IFT140: variants seen among roughly 807,000 people sequenced by gnomAD.
The protein encoded by IFT140 is intraflagellar transport 140, also known as intraflagellar transport protein 140 homolog.
IFT140 carries 133 observed loss-of-function variants against 164.6 expected under a neutral mutation model. The ratio of observed to expected loss-of-function variants is 0.81; its 90% CI spans 0.70 to 0.93. IFT140 has a LOEUF of 0.93. IFT140 is among the 40% of genes least tolerant of loss of function. The probability of loss-of-function intolerance (pLI) is 0.00; values close to 1 mark genes in which losing one functional copy is unlikely to be tolerated. For synonymous variants in IFT140, 860 were observed against 817.3 expected, an observed-to-expected ratio of 1.05 and a Z score of -0.89; for missense variants, 2,045 against 1,972.3, an observed-to-expected ratio of 1.04 and a Z score of -0.70.
At chr16:1,560,711 C>T (rs1028826615) in intron 18 of IFT140, among the ~76,000 whole-genome samples, 5 of 152,190 alleles carry the variant, frequency 3.3e-5, no homozygotes, top group Admixed American at 1.3e-4. Flanking sequence ...AATGCTCCCT[C>T]GACCCACCTT....
In IFT140 at chr16:1,566,178, A is replaced by G; in HGVS notation, c.1884T>C (p.Asn628=). The G allele has an allele frequency of 1.2e-5, 19 of 1,613,740 alleles. No homozygotes were observed. Among genetic ancestry groups the G allele is most frequent in the Admixed American group, 1.7e-5 (1 of 59,996 alleles). The stretch of plus-strand genomic sequence containing the variant: ...AATCTTACTTATTAGTCTCTTGCTC[A>G]TTAAAGGACAGCGTCTCTCTCCGAT... ...QIDRRETLSF[N]EQETNKSHLF... is the part of the protein sequence containing the mutation. Residue 628 remains asparagine (N), a synonymous_variant, in exon 16 of 31, where the codon AAT becomes AAC. Transcript: ENST00000426508.
At chr16:1,577,992 T>G (rs1372995076) in intron 13 of IFT140, 1 of 152,166 alleles carries the variant, frequency 6.6e-6, no homozygotes, top group Non-Finnish European at 1.5e-5. Context: ...TGCTCTGGGC[T>G]TGGGATGCCC....
chr16:1,598,285 C>G (rs1289610483), intron 4 of IFT140, among the ~76,000 whole-genome samples: 2 of 152,104 alleles, frequency 1.3e-5, no homozygotes, highest in East Asian at 3.9e-4. Flanking sequence ...AGTGAAACCC[C>G]GTCTTTACTA....
chr16:1,524,925 A>C lies in IFT140; in HGVS notation c.2865-9T>G. The C allele has an allele frequency of 6.3e-7, 1 of 1,596,848 alleles. No individual in the cohort carries two copies. The highest frequency in any genetic ancestry group is 8.5e-7 in the Non-Finnish European group (1 of 1,171,528). The stretch of plus-strand genomic sequence containing the variant: ...ACCACCGCCACAGGGTCCTGCGGGC[A>C]GCCCAAGACCATGGATTCTCCACCC... On this transcript the variant is annotated splice_polypyrimidine_tract_variant and intron_variant, in intron 22 of 30. Transcript: ENST00000426508.
chr16:1,542,609 G>A (rs1479548854), intron 19 of IFT140, among the ~76,000 whole-genome samples: 1 of 152,258 alleles, frequency 6.6e-6, no homozygotes, highest in African/African-American at 2.4e-5. Context: ...TCAGCCTGGG[G>A]TCAGCGCAGG....
intron 18 of IFT140, 141 bp downstream of exon 18, chr16:1,561,844 G>A (rs1323555937): frequency 4.1e-5 from 30 of 725,356 alleles, no homozygotes; most frequent in Non-Finnish European, 5.9e-5. Context: ...AGACTGGATG[G>A]CTGATGCTGT....
intron 19 of IFT140, among the ~76,000 whole-genome samples, chr16:1,549,509 G>C (rs1003963268): frequency 6.6e-6 from 1 of 152,144 alleles, no homozygotes; most frequent in Non-Finnish European, 1.5e-5. Context: ...GCTCACCGCC[G>C]CAAGCTCTGC....
chr16:1,597,459 C>A (rs1325109116), intron 4 of IFT140, among the ~76,000 whole-genome samples: 1 of 152,176 alleles, frequency 6.6e-6, no homozygotes, highest in Non-Finnish European at 1.5e-5. Flanking sequence ...GATACCCCAG[C>A]GGCCTCAGGT....
At chr16:1,519,838 T>A (rs1183311720) in intron 29 of IFT140, 43 bp downstream of exon 29, 1 of 1,500,012 alleles carries the variant, frequency 6.7e-7, no homozygotes, top group African/African-American at 1.4e-5. Flanking sequence ...GGCCCTGTAG[T>A]CACATCTGCC....
rs188955588 is a variant in IFT140, at chr16:1,575,299, C to T, written c.1525-3765G>A. Among the ~76,000 whole-genome samples, 330 of 152,092 alleles carry T rather than the reference C, an allele frequency of 2.2e-3. 3 individuals are homozygous for T. The highest frequency in any genetic ancestry group is 6.8e-3 in the Middle Eastern group (2 of 294). On this transcript the variant is annotated intron_variant, in intron 13 of 30. Coordinates refer to ENST00000426508, the MANE Select transcript of IFT140 (RefSeq NM_014714.4). ...CTGAGGCAGGAGGATGAATTGACCC[C>T]AGGAGTTTGAGGCTGCAGTGAGCTA...
At chr16:1,563,084 G>A (rs1018379022) in intron 17 of IFT140, among the ~76,000 whole-genome samples, 3 of 151,938 alleles carry the variant, frequency 2.0e-5, no homozygotes, top group Non-Finnish European at 4.4e-5. Flanking sequence ...TCCCTGCCAC[G>A]TCTCCATCTT....
rs147556035 is a variant in IFT140, at chr16:1,586,245, C to T, written c.1040G>A (p.Arg347Gln). The T allele has an allele frequency of 1.2e-5, 19 of 1,613,734 alleles. No individual in the cohort carries two copies. In the African/African-American group the frequency reaches 1.3e-4, roughly 11 times the overall value. The change falls in exon 10 of 31, where the codon CGA (arginine) becomes CAA (glutamine). Residue 347 changes from arginine (R) to glutamine (Q), a missense_variant. Transcript: ENST00000426508. Reference sequence around the variant, plus strand: ...TGGTACTTTCCTCCACATGGCTACTCGCCCTCTGTCGGTACCAGCGGCCAG... The same window carrying T: ...TGGTACTTTCCTCCACATGGCTACTTGCCCTCTGTCGGTACCAGCGGCCAG... Reference protein sequence around the residue: ...GLLAAGTDRGRVAMWRKVPDF... With the variant: ...GLLAAGTDRGQVAMWRKVPDF...
intron 27 of IFT140, 61 bp from the exon 28 acceptor site, chr16:1,520,404 A>G: frequency 1.9e-6 from 3 of 1,557,426 alleles, no homozygotes; most frequent in Non-Finnish European, 2.6e-6. Flanking sequence ...AGCACAAGGG[A>G]CCCCGAGCAG....
chr16:1,577,961 G>A (rs929933493), intron 13 of IFT140: 2 of 145,942 alleles, frequency 1.4e-5, no homozygotes, highest in Non-Finnish European at 3.0e-5. Context: ...GGTGGGCAGG[G>A]ATGGCAGCAA....
chr16:1,515,118 T>G (rs2040300681), intron 30 of IFT140, among the ~76,000 whole-genome samples: 1 of 152,080 alleles, frequency 6.6e-6, no homozygotes, highest in South Asian at 2.1e-4. Context: ...GACCTAACAT[T>G]TAATTGGAGT....
intron 19 of IFT140, chr16:1,534,340 A>G: frequency 3.1e-6 from 5 of 1,612,726 alleles, no homozygotes; most frequent in Non-Finnish European, 4.2e-6. Flanking sequence ...ATCCTCAACA[A>G]CGTGGCGGCC....
At chr16:1,584,779 T>G (rs1029920496) in intron 10 of IFT140, among the ~76,000 whole-genome samples, 2 of 152,208 alleles carry the variant, frequency 1.3e-5, no homozygotes, top group African/African-American at 2.4e-5. Flanking sequence ...GTTTACATAA[T>G]GGATTAAATT....
At chr16:1,537,861 G>A (rs2031229884) in intron 19 of IFT140, among the ~76,000 whole-genome samples, 1 of 152,154 alleles carries the variant, frequency 6.6e-6, no homozygotes, top group South Asian at 2.1e-4. Flanking sequence ...ACGTGGCTCC[G>A]TCACCACGCA....
intron 19 of IFT140, among the ~76,000 whole-genome samples, chr16:1,530,015 G>GGT (rs1467449046): frequency 4.6e-5 from 7 of 152,154 alleles, no homozygotes; most frequent in Non-Finnish European, 1.0e-4. Context: ...CTAACATCTG[G>GGT]GTGGTGGCAG....
Sources: gnomAD v4.1 joint callset for allele counts (sites outside exome capture counted in the v4.1 genomes callset) on GRCh38, gnomAD v4.1.1 for gene constraint, MANE v1.5 for transcripts, NCBI Gene and HGNC (gene_info 2026-07-23, HGNC 2026-07-21) for gene names.